CPS1: variants seen among roughly 807,000 people sequenced by gnomAD.
CPS1 encodes carbamoyl-phosphate synthase 1.
A neutral mutation model predicts 174.6 loss-of-function variants in CPS1; 109 were observed. That is an observed-to-expected ratio of 0.62 (90% CI 0.53 to 0.73). The LOEUF (loss-of-function observed/expected upper bound fraction) is 0.73, where lower values mean the gene tolerates loss of function less well. CPS1 is among the 30% of genes least tolerant of loss of function. The pLI, the probability that CPS1 is intolerant of heterozygous loss-of-function variation, is 0.00. For missense variants in CPS1, 1,689 were observed against 1,821.9 expected (o/e 0.93, Z 1.33); for synonymous variants, 637 against 632.0 (o/e 1.01, Z -0.12).
intron 1 of CPS1, among the ~76,000 whole-genome samples, chr2:210,549,226 C>G (rs1696652831): frequency 2.0e-5 from 3 of 151,982 alleles, no homozygotes; most frequent in Non-Finnish European, 2.9e-5. Context: ...TAGAATCTTG[C>G]AAAATCATTT....
At chr2:210,572,977 A>C (rs1391287396) in intron 1 of CPS1, among the ~76,000 whole-genome samples, 1 of 152,096 alleles carries the variant, frequency 6.6e-6, no homozygotes, top group East Asian at 1.9e-4. Flanking sequence ...ATAAAGGGGA[A>C]AAGACAGATA....
chr2:210,516,173 A>T (rs984860250), intron 1 of CPS1, among the ~76,000 whole-genome samples: 1 of 151,650 alleles, frequency 6.6e-6, no homozygotes, highest in Admixed American at 6.6e-5. Context: ...TGTACATTCT[A>T]TGGTTGCTGG....
At chr2:210,601,796 T>G (rs1314071587) in intron 15 of CPS1, among the ~76,000 whole-genome samples, 1 of 151,938 alleles carries the variant, frequency 6.6e-6, no homozygotes, top group Non-Finnish European at 1.5e-5. Context: ...TGTGGTAACA[T>G]CAAGCTAGCT....
chr2:210,535,819 GTTTT>G (rs67369344), intron 1 of CPS1, among the ~76,000 whole-genome samples: 4,520 of 118,180 alleles, frequency 0.038, 179 homozygotes, highest in African/African-American at 0.13. Context: ...CTTTTTCCTT[GTTTT>G]TTTTTTTTTT....
intron 29 of CPS1, among the ~76,000 whole-genome samples, 153 bp from the exon 30 acceptor site, chr2:210,656,372 G>A (rs978965488): frequency 6.6e-6 from 1 of 152,188 alleles, no homozygotes; most frequent in Admixed American, 6.5e-5. Context: ...CAGAGAGGCA[G>A]CATTTTCTAC....
chr2:210,606,684 G>A (rs1698922450), intron 17 of CPS1, 47 bp from the exon 18 acceptor site: 1 of 1,572,828 alleles, frequency 6.4e-7, no homozygotes, highest in Non-Finnish European at 8.7e-7. Context: ...GCTGAAGTTG[G>A]TTATTTCAAT....
At chr2:210,658,776 AC>A in intron 31 of CPS1, 88 bp downstream of exon 31, 1 of 985,444 alleles carries the variant, frequency 1.0e-6, no homozygotes, top group Non-Finnish European at 1.6e-6. Flanking sequence ...CTCTGTGAAC[AC>A]CAGACAAAGA....
chr2:210,551,692 A>T (rs1020101435), upstream of CPS1, among the ~76,000 whole-genome samples: 1 of 151,822 alleles, frequency 6.6e-6, no homozygotes, highest in Admixed American at 6.6e-5. Context: ...TCCAAACTTT[A>T]TGTTATCAAA....
chr2:210,582,538 T>C (rs1172279683), intron 5 of CPS1, 79 bp from the exon 6 acceptor site: 2 of 1,037,896 alleles, frequency 1.9e-6, no homozygotes, highest in Non-Finnish European at 1.5e-6. Flanking sequence ...CAGCAGCTGT[T>C]TAAAGTCCCT....
intron 1 of CPS1, among the ~76,000 whole-genome samples, chr2:210,557,251 T>C (rs955311622): frequency 2.6e-5 from 4 of 152,126 alleles, no homozygotes; most frequent in Non-Finnish European, 5.9e-5. Flanking sequence ...TTAAGGTCTG[T>C]TCTATAAATA....
At chr2:210,567,716 G>A (rs1337923770) in intron 1 of CPS1, among the ~76,000 whole-genome samples, 3 of 152,062 alleles carry the variant, frequency 2.0e-5, no homozygotes, top group African/African-American at 7.2e-5. Flanking sequence ...TTACTTATAT[G>A]ACACCTGAAT....
intron 33 of CPS1, among the ~76,000 whole-genome samples, chr2:210,666,450 A>G (rs1175989880): frequency 1.3e-5 from 2 of 151,752 alleles, no homozygotes; most frequent in Non-Finnish European, 2.9e-5. Flanking sequence ...TAGGGTTTTT[A>G]TGGTTTTAGG....
chr2:210,637,680 T>G (rs1379119977), intron 21 of CPS1, 22 bp from the exon 22 acceptor site: 1 of 1,613,576 alleles, frequency 6.2e-7, no homozygotes, highest in Non-Finnish European at 8.5e-7. Context: ...AACTTGAATC[T>G]CTCTTTTCTA....
chr2:210,652,966 A>G (rs1700603488), intron 28 of CPS1, among the ~76,000 whole-genome samples: 1 of 152,222 alleles, frequency 6.6e-6, no homozygotes, highest in Non-Finnish European at 1.5e-5. Context: ...TGTAGTTTAC[A>G]GATACCAAAG....
At chr2:210,605,068 T>C in intron 16 of CPS1, 34 bp from the exon 17 acceptor site, 1 of 1,610,678 alleles carries the variant, frequency 6.2e-7, no homozygotes, top group South Asian at 1.1e-5. Flanking sequence ...GTGCTTTTTC[T>C]TACTCTTTGA....
At chr2:210,592,322 T>C (rs1414279508) in intron 10 of CPS1, among the ~76,000 whole-genome samples, 1 of 152,040 alleles carries the variant, frequency 6.6e-6, no homozygotes, top group Non-Finnish European at 1.5e-5. Context: ...TTTTCTCCCA[T>C]AGCCCTCTGT....
chr2:210,569,254 G>A (rs1007800877), intron 1 of CPS1, among the ~76,000 whole-genome samples: 1 of 152,014 alleles, frequency 6.6e-6, no homozygotes, highest in African/African-American at 2.4e-5. Flanking sequence ...TGAAGAAAGA[G>A]CAGACCAAGG....
intron 36 of CPS1, among the ~76,000 whole-genome samples, chr2:210,676,792 A>T (rs1043701948): frequency 6.6e-6 from 1 of 152,210 alleles, no homozygotes; most frequent in Non-Finnish European, 1.5e-5. Context: ...AAACATCTGC[A>T]TTCCATTAGA....
At chr2:210,568,091 AATCTAGT>A (rs1697359610) in intron 1 of CPS1, among the ~76,000 whole-genome samples, 1 of 152,142 alleles carries the variant, frequency 6.6e-6, no homozygotes, top group Admixed American at 6.6e-5. Context: ...GAGAAGTTAA[AATCTAGT>A]ACGGTAGATA....
Sources: gnomAD v4.1 joint callset for allele counts (sites outside exome capture counted in the v4.1 genomes callset) on GRCh38, gnomAD v4.1.1 for gene constraint, MANE v1.5 for transcripts, NCBI Gene and HGNC (gene_info 2026-07-23, HGNC 2026-07-21) for gene names.